ITPKA: variants seen among roughly 807,000 people sequenced by gnomAD.
ITPKA encodes IP3 3-kinase A.
ITPKA carries 16 observed loss-of-function variants against 40.7 expected under a neutral mutation model. The observed-to-expected ratio is 0.39, with a 90% CI of 0.27 to 0.60. The LOEUF (loss-of-function observed/expected upper bound fraction) is 0.60, where lower values mean the gene tolerates loss of function less well. ITPKA is among the 20% of genes least tolerant of loss of function. ITPKA has a pLI of 0.50. For missense variants in ITPKA, 540 were observed against 649.3 expected (o/e 0.83, Z 1.83); for synonymous variants, 313 against 289.9 (o/e 1.08, Z -0.81).
chr15:41,501,014 A>G (rs920750200), intron 1 of ITPKA, among the ~76,000 whole-genome samples: 4 of 137,180 alleles, frequency 2.9e-5, no homozygotes, highest in Admixed American at 7.1e-5. Context: ...ATCTGAAAAA[A>G]AAAAAAAAAA....
Position 41,494,411 on chromosome 15 carries a change from G to C in ITPKA, c.484G>C (p.Gly162Arg). ...GCAGCTGGAAGCGGGCGAGGACGTGGGTCAGGTACGGGCCGCGGGGGCGGG... is the reference window on the plus strand; with the variant it reads ...GCAGCTGGAAGCGGGCGAGGACGTGCGTCAGGTACGGGCCGCGGGGGCGGG... ...NVQLEAGEDV[G>R]QKNHWQKIRT... The change falls in exon 1 of 7, where the codon GGT becomes CGT. Residue 162 changes from glycine (G) to arginine (R), a missense_variant. Transcript: ENST00000260386. This position sits in a 1 kb window ranked among gnomAD's most constrained non-coding sequence, Gnocchi z 7.8. The C allele has an allele frequency of 1.4e-6, 2 of 1,459,662 alleles. No homozygotes were observed. The highest frequency in any genetic ancestry group is 1.8e-6 in the Non-Finnish European group (2 of 1,106,812). The allele number at this position is 1,459,662 out of a possible 1,614,324, so 90.4% of individuals were successfully genotyped here.
Position 41,502,507 on chromosome 15 carries a change from A to C in ITPKA, c.1110+4A>C. The stretch of plus-strand genomic sequence containing the variant: ...GCAAGGAGATGAGGAAGTGCTGGTG[A>C]GAGCGGGATCCCAAACCCTGAGGTG... On this transcript the variant is annotated splice_donor_region_variant and intron_variant, in intron 5 of 6. Coordinates refer to ENST00000260386, the MANE Select transcript of ITPKA (RefSeq NM_002220.3). The C allele has an allele frequency of 3.3e-6, 5 of 1,535,754 alleles. No homozygotes were observed. The highest frequency in any genetic ancestry group is 4.5e-6 in the Non-Finnish European group (5 of 1,110,098).
Position 41,503,151 on chromosome 15 carries a change from C to G in ITPKA, c.1371C>G (p.Ser457Arg). The change falls in exon 7 of 7, where the codon AGC (serine) becomes AGG (arginine). Residue 457 changes from serine to arginine, a missense_variant. Physicochemically the swap from Ser to Arg is moderately radical, Grantham distance 110. Coordinates refer to ENST00000260386, the MANE Select transcript of ITPKA (RefSeq NM_002220.3). ...ACAATCTCATTGGCATCCTGGCCAGCCTGGCTGAGAGATGAGGCTGGACTC... is the reference window on the plus strand; with the variant it reads ...ACAATCTCATTGGCATCCTGGCCAGGCTGGCTGAGAGATGAGGCTGGACTC... ...GLDNLIGILA[S>R]LAER 1.3e-6 allele frequency: 2 copies of G among 1,586,900 alleles called. No homozygotes were observed. Among genetic ancestry groups the G allele is most frequent in the Non-Finnish European group, 1.7e-6 (2 of 1,159,562 alleles).
At chr15:41,496,906 G>A (rs890539499) in intron 1 of ITPKA, among the ~76,000 whole-genome samples, 2 of 152,172 alleles carry the variant, frequency 1.3e-5, no homozygotes, top group Non-Finnish European at 2.9e-5. Context: ...GGAACATGGG[G>A]AGGGTATTGG....
Position 41,494,337 on chromosome 15 carries a change from C to T in ITPKA, c.410C>T (p.Ser137Leu). The T allele has an allele frequency of 6.5e-7, 1 of 1,527,934 alleles. No homozygotes were observed. Among genetic ancestry groups the T allele is most frequent in the Non-Finnish European group, 8.7e-7 (1 of 1,144,336 alleles). 94.6% of individuals were successfully genotyped at this position (1,527,934 alleles called of 1,614,324 possible). Residue 137 changes from serine to leucine, a missense_variant, in exon 1 of 7, where the codon TCG becomes TTG. Transcript: ENST00000260386. This position sits in a 1 kb window ranked among gnomAD's most constrained non-coding sequence, Gnocchi z 7.8. Reference protein sequence around the residue: ...STGSSSLLEDSEDDLLSDSES... With the variant: ...STGSSSLLEDLEDDLLSDSES... ...GGCTCCTCGTCGCTGCTCGAGGACT[C>T]GGAGGACGACCTGCTGAGCGACAGT... is the stretch of plus-strand genomic sequence containing the variant.
Position 41,501,521 on chromosome 15 carries a change from A to G in ITPKA, c.548A>G (p.Lys183Arg). 6.3e-7 allele frequency: 1 copy of G among 1,596,646 alleles called. No individual in the cohort carries two copies. The highest frequency in any genetic ancestry group is 8.5e-7 in the Non-Finnish European group (1 of 1,172,786). The stretch of plus-strand genomic sequence containing the variant: ...AATCTGCCGGTCATAAGCCCTTTCA[A>G]GAAGCGCTACGCCTGGGTGCAGCTG... ...MVNLPVISPF[K>R]KRYAWVQLAG... The change falls in exon 2 of 7, where the codon AAG becomes AGG. Residue 183 changes from lysine to arginine, a missense_variant. Coordinates refer to ENST00000260386, the MANE Select transcript of ITPKA (RefSeq NM_002220.3).
rs1050096426 is a variant in ITPKA at position 41,493,880 on chromosome 15, C to T, written c.-48C>T. 39 of 994,256 alleles carry T rather than the reference C, an allele frequency of 3.9e-5. No individual in the cohort carries two copies. Among genetic ancestry groups the T allele is most frequent in the East Asian group, 1.1e-4 (1 of 9,202 alleles). 61.6% of individuals were successfully genotyped at this position (994,256 alleles called of 1,614,324 possible). On this transcript the variant is annotated 5_prime_UTR_variant, in exon 1 of 7. Coordinates refer to ENST00000260386, the MANE Select transcript of ITPKA (RefSeq NM_002220.3). ...GGGGGCGCCGAGCCGCTCCAGTCCC[C>T]GGCGCGCCGCGGGCTGGTGGGCTCA...
Position 41,502,996 on chromosome 15 carries a change from C to T in ITPKA, c.1216C>T (p.His406Tyr), listed in dbSNP as rs1231866883. The T allele has an allele frequency of 1.9e-6, 3 of 1,607,096 alleles. No individual in the cohort carries two copies. The highest frequency in any genetic ancestry group is 2.6e-6 in the Non-Finnish European group (3 of 1,176,426). Residue 406 changes from histidine (H) to tyrosine (Y), a missense_variant, in exon 7 of 7, where the codon CAC (histidine) becomes TAC (tyrosine). His to Tyr is a moderately conservative substitution (Grantham distance 83). Coordinates refer to ENST00000260386, the MANE Select transcript of ITPKA (RefSeq NM_002220.3). ...IGSSLLFVHD[H>Y]CHRAGVWLID... is the part of the protein sequence containing the mutation. ...CAGCTCGCTCCTCTTTGTGCACGAT[C>T]ACTGCCATCGCGCCGGCGTGTGGCT...
At chr15:41,501,423 C>T (rs769282441) in intron 1 of ITPKA, 40 bp from the exon 2 acceptor site, 7 of 1,571,112 alleles carry the variant, frequency 4.5e-6, no homozygotes, top group Middle Eastern at 1.7e-4. Context: ...TATGCATTGC[C>T]GAGACGCCGA....
rs747062181 is a variant in ITPKA at position 41,502,406 on chromosome 15, C to T, written c.1013C>T (p.Ala338Val). 1.9e-6 allele frequency: 3 copies of T among 1,594,616 alleles called. No individual in the cohort carries two copies. Among genetic ancestry groups the T allele is most frequent in the Non-Finnish European group, 8.6e-7 (1 of 1,163,630 alleles). The change falls in exon 5 of 7, where the codon GCG becomes GTG. Residue 338 changes from alanine to valine, a missense_variant. Ala to Val is a moderately conservative substitution (Grantham distance 64, BLOSUM62 0). Transcript: ENST00000260386. ...ACACTCCTGTCCCACATCCAGAAAGCGGACGGCTCCTGCAGCACCGACTTC... is the reference window on the plus strand; with the variant it reads ...ACACTCCTGTCCCACATCCAGAAAGTGGACGGCTCCTGCAGCACCGACTTC... ...LGFRIEGIKK[A>V]DGSCSTDFKT...
intron 1 of ITPKA, among the ~76,000 whole-genome samples, chr15:41,500,923 C>T (rs969413288): frequency 5.3e-5 from 8 of 150,120 alleles, no homozygotes; most frequent in Non-Finnish European, 1.0e-4. Flanking sequence ...ACAAGAGAAC[C>T]GCCTGAACCC....
intron 6 of ITPKA, 45 bp from the exon 7 acceptor site, chr15:41,502,918 G>T (rs754040588): frequency 1.1e-5 from 18 of 1,601,424 alleles, no homozygotes; most frequent in Non-Finnish European, 1.0e-5. Context: ...ACCCGGCAAG[G>T]GCGTCTCTGG....
chr15:41,500,161 A>G (rs1475189049), intron 1 of ITPKA, among the ~76,000 whole-genome samples: 9 of 152,156 alleles, frequency 5.9e-5, no homozygotes, highest in Admixed American at 5.9e-4. Context: ...GGGTTTCACC[A>G]TGTTGGCTAG....
At chr15:41,499,722 C>A (rs184499609) in intron 1 of ITPKA, among the ~76,000 whole-genome samples, 9 of 152,198 alleles carry the variant, frequency 5.9e-5, no homozygotes, top group African/African-American at 1.9e-4. Context: ...TGTGGGGAGG[C>A]GGCAGACACA....
chr15:41,499,564 C>A lies in ITPKA; in HGVS notation c.490-1899C>A, dbSNP rs114018159. Among the ~76,000 whole-genome samples the A allele has an allele frequency of 5.6e-4, 86 of 152,352 alleles. 2 individuals are homozygous for A. Among genetic ancestry groups the A allele is most frequent in the African/African-American group, 2.0e-3 (82 of 41,576 alleles). On this transcript the variant is annotated intron_variant, in intron 1 of 6. Coordinates refer to ENST00000260386, the MANE Select transcript of ITPKA (RefSeq NM_002220.3). Reference sequence around the variant, plus strand: ...TCTACCATAACTTCCATCTCCTCCCCATGGGAAAGGGCTTTATGGTCAGCA... The same window carrying A: ...TCTACCATAACTTCCATCTCCTCCCAATGGGAAAGGGCTTTATGGTCAGCA...
chr15:41,499,356 T>C (rs991188149), intron 1 of ITPKA, among the ~76,000 whole-genome samples: 19 of 152,182 alleles, frequency 1.2e-4, no homozygotes, highest in African/African-American at 4.3e-4. Flanking sequence ...TGCTGCCTGA[T>C]GGAAGATGAG....
intron 4 of ITPKA, 88 bp from the exon 5 acceptor site, chr15:41,502,314 C>T: frequency 4.3e-6 from 6 of 1,390,710 alleles, no homozygotes; most frequent in Non-Finnish European, 6.1e-6. Flanking sequence ...CCTCGCCGTC[C>T]CCTGCAACTG....
intron 1 of ITPKA, among the ~76,000 whole-genome samples, chr15:41,497,125 G>A (rs1327318839): frequency 1.3e-5 from 2 of 152,220 alleles, no homozygotes; most frequent in East Asian, 3.8e-4. Flanking sequence ...TGCCCAGAGA[G>A]AGGTACTCCC....
At chr15:41,502,632 A>ACGCT in intron 5 of ITPKA, 129 bp downstream of exon 5, 1 of 935,772 alleles carries the variant, frequency 1.1e-6, no homozygotes, top group South Asian at 1.6e-5. Context: ...CAACTGCTCT[A>ACGCT]CGCTCCTTCC....
Sources: gnomAD v4.1 joint callset for allele counts (sites outside exome capture counted in the v4.1 genomes callset) on GRCh38, gnomAD v4.1.1 for gene constraint, Gnocchi (gnomAD v3.1) non-coding constraint, MANE v1.5 for transcripts, NCBI Gene and HGNC (gene_info 2026-07-23, HGNC 2026-07-21) for gene names.